SPAG9: variants seen among roughly 807,000 people sequenced by gnomAD.
SPAG9 encodes the protein sperm associated antigen 9.
A neutral mutation model predicts 166.5 loss-of-function variants in SPAG9; 35 were observed. The ratio of observed to expected loss-of-function variants is 0.21; its 90% CI spans 0.16 to 0.28. SPAG9 has a LOEUF of 0.28. Among genes scored for constraint, SPAG9 ranks in the 10% least tolerant of loss-of-function variants. SPAG9 has a pLI of 1.00. For synonymous variants in SPAG9, 534 were observed against 565.5 expected (o/e 0.94, Z 0.79); for missense variants, 1,235 against 1,603.3 (o/e 0.77, Z 3.92).
intron 18 of SPAG9, 42 bp from the exon 19 acceptor site, chr17:50,993,977 T>C (rs776416999): frequency 5.2e-6 from 8 of 1,531,460 alleles, no homozygotes; most frequent in Admixed American, 5.2e-5. Context: ...ACAATATGTA[T>C]GTACAAATAT....
chr17:51,009,765 G>A (rs2045386781), intron 9 of SPAG9, among the ~76,000 whole-genome samples: 1 of 152,120 alleles, frequency 6.6e-6, no homozygotes, highest in Non-Finnish European at 1.5e-5. Context: ...ACACATGATG[G>A]TGCCTTTGAG....
rs181334431 is a variant in SPAG9, at chr17:51,001,308, T to C, written c.1607+407A>G. Among the ~76,000 whole-genome samples, 16 of 152,288 alleles carry C rather than the reference T, an allele frequency of 1.1e-4. No individual in the cohort carries two copies. In the East Asian group the frequency reaches 2.9e-3, roughly 27 times the overall value. ...TACCAATGGAAGGGTGTACTTGGCA[T>C]GAACAGTTAGAAAAGAGAGAAAGAA... On this transcript the variant is annotated intron_variant, in intron 13 of 29. Coordinates refer to ENST00000262013, the MANE Select transcript of SPAG9 (RefSeq NM_001130528.3).
intron 5 of SPAG9, among the ~76,000 whole-genome samples, chr17:51,033,296 C>A (rs2046455705): frequency 1.4e-5 from 2 of 139,546 alleles, no homozygotes; most frequent in Admixed American, 7.4e-5. Context: ...GATTGTCAAG[C>A]TATGTCATTA....
At chr17:51,060,505 T>TAAAAAAAAAA (rs35700642) in intron 2 of SPAG9, among the ~76,000 whole-genome samples, 3 of 101,488 alleles carry the variant, frequency 3.0e-5, no homozygotes, top group Admixed American at 1.0e-4. Context: ...TTTGTCTTTT[T>TAAAAAAAAAA]AAAAAAAAAA....
intron 1 of SPAG9, among the ~76,000 whole-genome samples, chr17:51,112,370 C>CAAAAA (rs767699831): frequency 5.2e-5 from 2 of 38,558 alleles, no homozygotes; most frequent in Admixed American, 2.8e-4. Flanking sequence ...CCCATCTCTA[C>CAAAAA]AAAAAAAAAA....
intron 1 of SPAG9, among the ~76,000 whole-genome samples, chr17:51,086,489 TAA>T (rs554092261): frequency 6.0e-5 from 8 of 134,262 alleles, no homozygotes; most frequent in African/African-American, 1.6e-4. Flanking sequence ...GAAAACACGA[TAA>T]AAAAAAAAAA....
intron 3 of SPAG9, among the ~76,000 whole-genome samples, chr17:51,050,934 G>A (rs977458350): frequency 1.3e-5 from 2 of 149,122 alleles, no homozygotes; most frequent in Non-Finnish European, 1.5e-5. Flanking sequence ...ACTGAAGAGA[G>A]AGAGAAAAAG....
chr17:51,089,069 G>T (rs997781705), intron 1 of SPAG9, among the ~76,000 whole-genome samples: 1 of 151,692 alleles, frequency 6.6e-6, no homozygotes, highest in African/African-American at 2.4e-5. Flanking sequence ...TCCAGCTTGA[G>T]CAACAGAGGG....
chr17:51,024,054 G>T (rs1360590212), intron 6 of SPAG9, among the ~76,000 whole-genome samples: 1 of 152,150 alleles, frequency 6.6e-6, no homozygotes. Context: ...CCGACATTTT[G>T]GGAGGCCCAG....
chr17:51,044,341 A>G (rs190119888), intron 4 of SPAG9, among the ~76,000 whole-genome samples: 265 of 152,364 alleles, frequency 1.7e-3, no homozygotes, highest in African/African-American at 5.8e-3. Context: ...CAAGTGGCAG[A>G]TTTATACCTG....
chr17:51,022,961 T>C (rs2144201506), intron 6 of SPAG9, among the ~76,000 whole-genome samples: 1 of 148,296 alleles, frequency 6.7e-6, no homozygotes, highest in Non-Finnish European at 1.5e-5. Flanking sequence ...ATAATAATAA[T>C]AATAATAATA....
intron 1 of SPAG9, among the ~76,000 whole-genome samples, chr17:51,102,423 A>G (rs969427836): frequency 6.6e-6 from 1 of 151,692 alleles, no homozygotes; most frequent in Non-Finnish European, 1.5e-5. Flanking sequence ...AAAAAAGAAA[A>G]GAAAAAAATA....
chr17:51,099,783 A>C (rs1568087564), intron 1 of SPAG9, among the ~76,000 whole-genome samples: 4 of 150,546 alleles, frequency 2.7e-5, no homozygotes, highest in South Asian at 2.1e-4. Context: ...AAAAAAAAAA[A>C]AAAAAACTAG....
intron 28 of SPAG9, 30 bp from the exon 29 acceptor site, chr17:50,970,886 T>G (rs1973736946): frequency 6.3e-7 from 1 of 1,586,374 alleles, no homozygotes; most frequent in Non-Finnish European, 8.6e-7. Context: ...AAGTGAATAT[T>G]ACTTATCACA....
intron 27 of SPAG9, chr17:50,976,722 C>T (rs1974235845): frequency 6.5e-6 from 1 of 153,440 alleles, no homozygotes; most frequent in Non-Finnish European, 1.4e-5. Flanking sequence ...TTTTTTTAAA[C>T]CTCAAATAAG....
Position 50,981,531 on chromosome 17 carries a change from A to T in SPAG9, c.3237+993T>A, listed in dbSNP as rs147486502. On this transcript the variant is annotated intron_variant, in intron 25 of 29. Coordinates refer to ENST00000262013, the MANE Select transcript of SPAG9 (RefSeq NM_001130528.3). ...ATAGATAGATAGATAGATAGATAGA[A>T]AGAAAGAAAGAAAGAATAGATAGAT... 6.3e-3 allele frequency among the ~76,000 whole-genome samples: 812 copies of T among 128,624 alleles called. 5 individuals are homozygous for T. The highest frequency in any genetic ancestry group is 8.3e-3 in the Non-Finnish European group (475 of 57,312). The allele number at this position is 128,624 out of a possible 152,430, so 84.4% of individuals were successfully genotyped here.
chr17:51,053,172 A>G (rs1033212082), intron 3 of SPAG9, among the ~76,000 whole-genome samples: 5 of 150,802 alleles, frequency 3.3e-5, no homozygotes, highest in African/African-American at 9.7e-5. Context: ...ATTATTTATC[A>G]CTATCAATTA....
chr17:51,007,140 C>T (rs1241771811), intron 10 of SPAG9, 129 bp downstream of exon 10: 14 of 506,014 alleles, frequency 2.8e-5, no homozygotes, highest in East Asian at 6.8e-5. Context: ...TGTGTGTGTG[C>T]ACACTCAGAG....
intron 26 of SPAG9, among the ~76,000 whole-genome samples, chr17:50,978,081 A>G (rs1021066190): frequency 1.1e-4 from 17 of 152,358 alleles, no homozygotes; most frequent in Non-Finnish European, 4.4e-5. Flanking sequence ...AGGGAGAACA[A>G]ACGCATTTTT....
Sources: gnomAD v4.1 joint callset for allele counts (sites outside exome capture counted in the v4.1 genomes callset) on GRCh38, gnomAD v4.1.1 for gene constraint, MANE v1.5 for transcripts, NCBI Gene and HGNC (gene_info 2026-07-23, HGNC 2026-07-21) for gene names.